Variants in PCDHA2 observed in about 807,000 individuals in gnomAD.
PCDHA2 encodes the protein protocadherin alpha-2.
In PCDHA2, 58 loss-of-function variants were observed where a neutral mutation model predicts 66.0. That is an observed-to-expected ratio of 0.88 (90% CI 0.71 to 1.09). The LOEUF (loss-of-function observed/expected upper bound fraction) is 1.09, where lower values mean the gene tolerates loss of function less well. PCDHA2 is among the 50% of genes least tolerant of loss of function. The pLI, the probability that PCDHA2 is intolerant of heterozygous loss-of-function variation, is 0.00. For missense variants in PCDHA2, 1,267 were observed against 1,242.3 expected, an observed-to-expected ratio of 1.02 and a Z score of -0.30; for synonymous variants, 634 against 554.0, an observed-to-expected ratio of 1.14 and a Z score of -2.03.
intron 1 of PCDHA2, chr5:140,876,550 C>T: frequency 6.2e-7 from 1 of 1,614,186 alleles, no homozygotes; most frequent in Non-Finnish European, 8.5e-7. Context: ...GCTCCCTGTG[C>T]AAGAGGATGC....
At chr5:140,797,894 C>T (rs145683571) in intron 1 of PCDHA2, among the ~76,000 whole-genome samples, 3,723 of 152,198 alleles carry the variant, frequency 0.024, 64 homozygotes, top group Non-Finnish European at 0.038. Context: ...GCTCTGTCAC[C>T]TAGGCTGGAG....
chr5:140,962,047 C>T (rs1288087343), intron 1 of PCDHA2, among the ~76,000 whole-genome samples: 2 of 151,982 alleles, frequency 1.3e-5, no homozygotes, highest in South Asian at 2.1e-4. Context: ...CCATGCCTGG[C>T]TAATTTTTTT....
Position 140,882,813 on chromosome 5 carries a change from C to A in PCDHA2, c.2388+85461C>A, listed in dbSNP as rs782169035. 2 of 1,614,058 alleles carry A rather than the reference C, an allele frequency of 1.2e-6. No individual in the cohort carries two copies. The highest frequency in any genetic ancestry group is 3.3e-5 in the Admixed American group (2 of 60,002). On this transcript the variant is annotated intron_variant, in intron 1 of 3. Transcript: ENST00000526136. ...CCCAACGATTATTTCACTTTGGACG[C>A]ACAAAACAGTCTTGAGCAAATGTCT...
At chr5:140,971,692 C>G (rs2096492766) in intron 1 of PCDHA2, among the ~76,000 whole-genome samples, 1 of 152,116 alleles carries the variant, frequency 6.6e-6, no homozygotes, top group South Asian at 2.1e-4. Context: ...TTTGTACTCA[C>G]TAACCACCCT....
At chr5:140,865,628 G>A (rs2048940891) in intron 1 of PCDHA2, 1 of 152,162 alleles carries the variant, frequency 6.6e-6, no homozygotes, top group African/African-American at 2.4e-5. Flanking sequence ...TAGACATCAT[G>A]AAGGGACTTA....
At chr5:140,885,107 T>G (rs2060471687) in intron 1 of PCDHA2, among the ~76,000 whole-genome samples, 1 of 152,238 alleles carries the variant, frequency 6.6e-6, no homozygotes, top group African/African-American at 2.4e-5. Context: ...TAAATGCTTT[T>G]TTTAAGTGCA....
At chr5:140,862,646 C>A (rs2047467861) in intron 1 of PCDHA2, 1 of 541,802 alleles carries the variant, frequency 1.8e-6, no homozygotes, top group Admixed American at 1.9e-5. Flanking sequence ...TTCACAGTGT[C>A]CGCGCGGGAC....
chr5:140,892,826 C>T (rs1554185388), intron 1 of PCDHA2, among the ~76,000 whole-genome samples: 1 of 152,166 alleles, frequency 6.6e-6, no homozygotes, highest in Non-Finnish European at 1.5e-5. Flanking sequence ...TACAGTGCTA[C>T]AGTGCTGCAA....
chr5:140,851,635 T>TG lies in PCDHA2; in HGVS notation c.2388+54283_2388+54284insG, dbSNP rs758488624. On this transcript the variant is annotated intron_variant, in intron 1 of 3. Coordinates refer to ENST00000526136, the MANE Select transcript of PCDHA2 (RefSeq NM_018905.3). ...AGAAAATGCTTTTTAAACAAGTGTTTCCTTTCTTCAAGAAGACATTCTCCT... is the reference window on the plus strand; with the variant it reads ...AGAAAATGCTTTTTAAACAAGTGTTTGCCTTTCTTCAAGAAGACATTCTCCT... 201 of 917,124 alleles carry TG rather than the reference T, an allele frequency of 2.2e-4. 10 individuals are homozygous for TG. The highest frequency in any genetic ancestry group is 3.2e-4 in the Admixed American group (5 of 15,868). The allele number at this position is 917,124 out of a possible 1,614,324, so 56.8% of individuals were successfully genotyped here. A position where few individuals can be genotyped will look rare whatever the true frequency, so the allele number is the denominator to read the frequency against.
At chr5:140,983,621 A>G (rs1271083054) in intron 3 of PCDHA2, among the ~76,000 whole-genome samples, 5 of 152,250 alleles carry the variant, frequency 3.3e-5, no homozygotes, top group African/African-American at 1.2e-4. Flanking sequence ...CAGAGAGATT[A>G]AGAAATGTAC....
chr5:140,823,434 C>A (rs2150125798), intron 1 of PCDHA2: 11 of 1,613,238 alleles, frequency 6.8e-6, no homozygotes, highest in Non-Finnish European at 9.3e-6. Context: ...TGCAGGTGTT[C>A]GTGCTGGACG....
intron 1 of PCDHA2, chr5:140,876,257 T>A (rs781806447): frequency 6.2e-7 from 1 of 1,614,000 alleles, no homozygotes; most frequent in Non-Finnish European, 8.5e-7. Context: ...ACAAGAGTGA[T>A]CCAACTAAAT....
chr5:140,815,972 C>A (rs2126668419), intron 1 of PCDHA2: 1 of 152,124 alleles, frequency 6.6e-6, no homozygotes, highest in Non-Finnish European at 1.5e-5. Context: ...TTCTTTTGTA[C>A]GTGATGAGGC....
intron 1 of PCDHA2, chr5:140,927,529 C>A: frequency 6.2e-7 from 1 of 1,614,098 alleles, no homozygotes; most frequent in South Asian, 1.1e-5. Flanking sequence ...GCTACCTGCC[C>A]GCTCAGGAGA....
Position 140,797,370 on chromosome 5 carries a change from T to C in PCDHA2, c.2388+18T>C. On this transcript the variant is annotated intron_variant, in intron 1 of 3. Transcript: ENST00000526136. ...TAGGAAAGGTGAGTCTTTTACTTTT[T>C]CTTGCCAATTCTAAAATTGTTCTTT... 6.2e-7 allele frequency: 1 copy of C among 1,605,856 alleles called. No homozygotes were observed. Among genetic ancestry groups the C allele is most frequent in the Non-Finnish European group, 8.5e-7 (1 of 1,174,886 alleles).
intron 1 of PCDHA2, among the ~76,000 whole-genome samples, chr5:140,844,093 C>T (rs2150368688): frequency 2.7e-5 from 4 of 149,720 alleles, no homozygotes; most frequent in African/African-American, 9.8e-5. Flanking sequence ...AACTCTTAAT[C>T]TTACTCCATA....
chr5:140,998,569 GT>G (rs71574497), intron 3 of PCDHA2, among the ~76,000 whole-genome samples: 30,440 of 149,318 alleles, frequency 0.2, 3,131 homozygotes, highest in Middle Eastern at 0.33. Flanking sequence ...TTGTAAATAA[GT>G]TTTTTTTTTT....
rs114410083 is a variant in PCDHA2, at chr5:140,927,323, C to T, written c.2389-51626C>T. 1,487 of 1,614,220 alleles carry T rather than the reference C, an allele frequency of 9.2e-4. 8 individuals are homozygous for T. In the African/African-American group the frequency reaches 0.018, roughly 19 times the overall value. ...TTCCTGACGCCCGGAGCCCGCTTTA[C>T]TCTCCCGAATGCCCAAGATGACGAC... On this transcript the variant is annotated intron_variant, in intron 1 of 3. Coordinates refer to ENST00000526136, the MANE Select transcript of PCDHA2 (RefSeq NM_018905.3).
intron 1 of PCDHA2, chr5:140,802,685 A>G (rs1045949205): frequency 2.4e-5 from 38 of 1,612,942 alleles, no homozygotes; most frequent in Non-Finnish European, 3.1e-5. Context: ...CGCTGGTGGA[A>G]CGGCGGGTGG....
Sources: gnomAD v4.1 joint callset for allele counts (sites outside exome capture counted in the v4.1 genomes callset) on GRCh38, gnomAD v4.1.1 for gene constraint, MANE v1.5 for transcripts, NCBI Gene and HGNC (gene_info 2026-07-23, HGNC 2026-07-21) for gene names.